TPI1: variants seen among roughly 807,000 people sequenced by gnomAD.
TPI1 encodes triosephosphate isomerase 1, also known as triosephosphate isomerase.
A neutral mutation model predicts 31.0 loss-of-function variants in TPI1; 11 were observed. The observed-to-expected ratio is 0.36, with a 90% CI of 0.22 to 0.59. The LOEUF (loss-of-function observed/expected upper bound fraction) is 0.59. Ranked by LOEUF, TPI1 falls within the 20% of genes least tolerant of loss-of-function variation. TPI1 has a pLI of 0.79. For missense variants in TPI1, 245 were observed against 319.7 expected (o/e 0.77, Z 1.78); for synonymous variants, 121 against 122.8 (o/e 0.99, Z 0.10).
chr12:6,868,662 A>G (rs2138090882), intron 1 of TPI1: 1 of 1,314,100 alleles, frequency 7.6e-7, no homozygotes, highest in Non-Finnish European at 1.0e-6. Flanking sequence ...TCTCAGGGGT[A>G]TCTGGAAGGC....
At chr12:6,868,370 C>T in intron 1 of TPI1, 2 of 1,288,070 alleles carry the variant, frequency 1.6e-6, no homozygotes, top group South Asian at 1.2e-5. Flanking sequence ...ATCCTCCTTC[C>T]TCCCTCCACC....
intron 1 of TPI1, chr12:6,868,426 C>T (rs1313522702): frequency 1.8e-5 from 23 of 1,289,280 alleles, no homozygotes; most frequent in Non-Finnish European, 2.1e-5. Context: ...ATCCCCTTCT[C>T]GTTCATTCCC....
chr12:6,868,802 G>C, intron 1 of TPI1, 62 bp from the exon 2 acceptor site: 1 of 1,573,056 alleles, frequency 6.4e-7, no homozygotes, highest in South Asian at 1.2e-5. Flanking sequence ...CACTGGTTAG[G>C]AATTGTGGGG....
intron 1 of TPI1, chr12:6,868,633 C>T: frequency 7.4e-7 from 1 of 1,352,328 alleles, no homozygotes; most frequent in African/African-American, 1.5e-5. Flanking sequence ...GAGCAGAGGG[C>T]AGGGTGAGGG....
intron 5 of TPI1, 33 bp from the exon 6 acceptor site, chr12:6,870,016 A>C: frequency 6.2e-7 from 1 of 1,612,418 alleles, no homozygotes; most frequent in South Asian, 1.1e-5. Flanking sequence ...GAGAGGCAGA[A>C]AAGGTCTTAC....
intron 5 of TPI1, 98 bp downstream of exon 5, chr12:6,869,871 G>C (rs1050872281): frequency 1.4e-6 from 2 of 1,477,580 alleles, no homozygotes; most frequent in Non-Finnish European, 1.9e-6. Flanking sequence ...CAAAGACACA[G>C]AGACCTTGAA....
intron 1 of TPI1, chr12:6,868,347 G>T: frequency 5.4e-6 from 7 of 1,287,836 alleles, no homozygotes; most frequent in Non-Finnish European, 7.1e-6. Context: ...ACGGGCAAAG[G>T]ATGCTCTCCT....
At chr12:6,870,211 A>T (rs1333982899) in intron 6 of TPI1, 54 bp from the exon 7 acceptor site, 1 of 1,602,980 alleles carries the variant, frequency 6.2e-7, no homozygotes, top group Admixed American at 1.7e-5. Flanking sequence ...GGAGGTGGGG[A>T]TGGGGCAGAC....
rs782442019 is a variant in TPI1 at position 6,867,532 on chromosome 12, C to G, written c.-35C>G. On this transcript the variant is annotated 5_prime_UTR_variant, in exon 1 of 7. Transcript: ENST00000396705. The stretch of plus-strand genomic sequence containing the variant: ...AGTGGGCAGTGGCCGCGACTGCGCG[C>G]AGACACTGACCTTCAGCGCCTCGGC... The G allele has an allele frequency of 1.2e-6, 2 of 1,603,914 alleles. No homozygotes were observed. The highest frequency in any genetic ancestry group is 1.7e-6 in the Non-Finnish European group (2 of 1,174,854).
At chr12:6,869,856 T>G in intron 5 of TPI1, 83 bp downstream of exon 5, 1 of 1,509,106 alleles carries the variant, frequency 6.6e-7, no homozygotes, top group Non-Finnish European at 9.2e-7. Flanking sequence ...GGCAACCCCT[T>G]ATTTCAAAGA....
At position 6,867,543 on chromosome 12, in the gene TPI1, C is replaced by T. The variant is rs781876590; in HGVS notation, c.-24C>T. 35 of 1,609,716 alleles carry T rather than the reference C, an allele frequency of 2.2e-5. No individual in the cohort carries two copies. Among genetic ancestry groups the T allele is most frequent in the Middle Eastern group, 1.7e-4 (1 of 6,050 alleles). ...GCCGCGACTGCGCGCAGACACTGAC[C>T]TTCAGCGCCTCGGCTCCAGCGCCAT... On this transcript the variant is annotated 5_prime_UTR_variant, in exon 1 of 7. Coordinates refer to ENST00000396705, the MANE Select transcript of TPI1 (RefSeq NM_000365.6).
At position 6,870,108 on chromosome 12, in the gene TPI1, G is replaced by A. The variant is rs1555132508; in HGVS notation, c.603G>A (p.Val201=). Residue 201 remains valine, a synonymous_variant, in exon 6 of 7, where the codon GTG becomes GTA. Transcript: ENST00000396705. ...TGAAGTCCAACGTCTCTGATGCGGTGGCTCAGAGCACCCGTATCATTTATG... is the reference window on the plus strand; with the variant it reads ...TGAAGTCCAACGTCTCTGATGCGGTAGCTCAGAGCACCCGTATCATTTATG... ...GWLKSNVSDA[V]AQSTRIIYGG... 6.2e-7 allele frequency: 1 copy of A among 1,614,214 alleles called. No homozygotes were observed. The highest frequency in any genetic ancestry group is 1.7e-5 in the Admixed American group (1 of 60,028).
Position 6,870,489 on chromosome 12 carries a change from C to T in TPI1, c.*106C>T, listed in dbSNP as rs1555132747. On this transcript the variant is annotated 3_prime_UTR_variant, in exon 7 of 7. Transcript: ENST00000396705. ...TATGCTTCTGATGGTGTCATCTGCT[C>T]CTTCCTGTGGCCTCATCCAAACTGT... 3.4e-6 allele frequency: 3 copies of T among 888,346 alleles called. No individual in the cohort carries two copies. Among genetic ancestry groups the T allele is most frequent in the Non-Finnish European group, 5.8e-6 (3 of 518,424 alleles). The allele number at this position is 888,346 out of a possible 1,614,324, so 55.0% of individuals were successfully genotyped here.
At chr12:6,869,888 GACAGT>G in intron 5 of TPI1, 115 bp downstream of exon 5, 1 of 1,426,776 alleles carries the variant, frequency 7.0e-7, no homozygotes, top group Non-Finnish European at 9.9e-7. Context: ...TGAACCCAGA[GACAGT>G]GACTTGTCCA....
upstream of TPI1, chr12:6,867,443 G>T: frequency 1.3e-6 from 2 of 1,492,948 alleles, no homozygotes; most frequent in Non-Finnish European, 1.8e-6. Flanking sequence ...GGCTCCGGGG[G>T]ACTGGGCGGG....
At position 6,868,948 on chromosome 12, in the gene TPI1, G is replaced by A; in HGVS notation, c.200G>A (p.Cys67Tyr). ...DPKIAVAAQNCYKVTNGAFTG... is the reference protein window; with the variant it reads ...DPKIAVAAQNYYKVTNGAFTG... ...AAGATTGCTGTGGCTGCGCAGAACT[G>A]CTACAAAGTGACTAATGGGGCTTTT... Residue 67 changes from cysteine to tyrosine, a missense_variant, in exon 2 of 7, where the codon TGC (cysteine) becomes TAC (tyrosine). Cys to Tyr is a radical substitution (Grantham distance 194). This residue lies in a region of TPI1 where 95 missense variants were observed against 96.4 expected (regional missense o/e 0.99). Coordinates refer to ENST00000396705, the MANE Select transcript of TPI1 (RefSeq NM_000365.6). The A allele has an allele frequency of 6.2e-7, 1 of 1,614,208 alleles. No homozygotes were observed.
chr12:6,868,375 T>C (rs1800835422), intron 1 of TPI1: 1 of 1,287,986 alleles, frequency 7.8e-7, no homozygotes, highest in Non-Finnish European at 1.0e-6. Context: ...CCTTCCTCCC[T>C]CCACCGAAAT....
intron 4 of TPI1, 38 bp from the exon 5 acceptor site, chr12:6,869,650 T>A: frequency 6.2e-7 from 1 of 1,610,942 alleles, no homozygotes; most frequent in Non-Finnish European, 8.5e-7. Context: ...AGCTCTTTCT[T>A]GTTCACCCTT....
At chr12:6,868,131 C>T (rs1555131767) in intron 1 of TPI1, 2 of 1,269,774 alleles carry the variant, frequency 1.6e-6, no homozygotes, top group Non-Finnish European at 2.0e-6. Flanking sequence ...GCGTCCGCGT[C>T]CCCGCGCCGA....
Sources: gnomAD v4.1 joint callset for allele counts on GRCh38, gnomAD v4.1.1 for gene constraint, gnomAD v4.1.1 regional missense constraint, MANE v1.5 for transcripts, NCBI Gene and HGNC (gene_info 2026-07-23, HGNC 2026-07-21) for gene names.